Variants in ARHGAP18 observed in about 807,000 individuals in gnomAD.
ARHGAP18 encodes Rho GTPase activating protein 18, also known as rho GTPase-activating protein 18.
Under a neutral mutation model 86.2 loss-of-function variants are expected in ARHGAP18, and 67 were observed. That is an observed-to-expected ratio of 0.78 (90% CI 0.64 to 0.95). ARHGAP18 has a LOEUF of 0.95. Ranked by LOEUF, ARHGAP18 falls within the 40% of genes least tolerant of loss-of-function variation. The probability of loss-of-function intolerance (pLI) is 0.00; values close to 1 mark genes in which losing one functional copy is unlikely to be tolerated. For synonymous variants in ARHGAP18, 283 were observed against 280.4 expected (o/e 1.01, Z -0.09); for missense variants, 691 against 780.4 (o/e 0.89, Z 1.37).
At chr6:129,666,488 A>T (rs141511003) in intron 1 of ARHGAP18, among the ~76,000 whole-genome samples, 1 of 152,290 alleles carries the variant, frequency 6.6e-6, no homozygotes, top group Non-Finnish European at 1.5e-5. Flanking sequence ...GGCCAATGGT[A>T]TACAGTATCC....
chr6:129,677,344 G>A (rs1774254077), intron 1 of ARHGAP18, among the ~76,000 whole-genome samples: 3 of 151,546 alleles, frequency 2.0e-5, no homozygotes, highest in African/African-American at 7.3e-5. Context: ...AGTGAGCCGA[G>A]ATCGCACCAC....
intron 7 of ARHGAP18, among the ~76,000 whole-genome samples, chr6:129,612,293 C>A (rs970619167): frequency 6.6e-6 from 1 of 152,176 alleles, no homozygotes. Context: ...TTCTTGATAA[C>A]GTGATCTTCT....
intron 13 of ARHGAP18, 80 bp downstream of exon 13, chr6:129,583,908 A>G: frequency 6.6e-7 from 1 of 1,504,784 alleles, no homozygotes; most frequent in Non-Finnish European, 8.9e-7. Context: ...AAAAAAAGGA[A>G]GAAGAAGCAG....
intron 5 of ARHGAP18, among the ~76,000 whole-genome samples, chr6:129,625,979 TTTATA>T (rs985632804): frequency 4.6e-5 from 5 of 108,674 alleles, no homozygotes; most frequent in East Asian, 2.3e-4. Context: ...ATTATATATA[TTTATA>T]TTATATATCA....
rs1789092311 is a variant in ARHGAP18 at position 129,616,130 on chromosome 6, C to G, written c.1044+82G>C. 2.7e-6 allele frequency: 3 copies of G among 1,103,820 alleles called. No individual in the cohort carries two copies. In the South Asian group the frequency reaches 5.9e-5, roughly 22 times the overall value. 68.4% of individuals were successfully genotyped at this position (1,103,820 alleles called of 1,614,324 possible). ...ACATGACAGTATATGAATTGGAAAA[C>G]TGTATTATAATAATATGAATACAAA... On this transcript the variant is annotated intron_variant, in intron 7 of 14. Transcript: ENST00000368149.
chr6:129,588,897 C>A (rs1562678444), intron 12 of ARHGAP18, among the ~76,000 whole-genome samples: 1 of 152,230 alleles, frequency 6.6e-6, no homozygotes, highest in Non-Finnish European at 1.5e-5. Flanking sequence ...ACTTGCCAGG[C>A]TTGGGGTTTG....
intron 1 of ARHGAP18, among the ~76,000 whole-genome samples, chr6:129,664,462 G>A (rs1414177959): frequency 6.6e-6 from 1 of 151,166 alleles, no homozygotes; most frequent in African/African-American, 2.4e-5. Flanking sequence ...CCCAAATTGT[G>A]TACAAATAGA....
chr6:129,645,020 T>C (rs1773549657), intron 1 of ARHGAP18, among the ~76,000 whole-genome samples: 1 of 152,228 alleles, frequency 6.6e-6, no homozygotes, highest in Non-Finnish European at 1.5e-5. Flanking sequence ...TGTATTTTTT[T>C]TTGATCACTG....
At chr6:129,658,104 T>C (rs1773877018) in intron 1 of ARHGAP18, among the ~76,000 whole-genome samples, 1 of 152,230 alleles carries the variant, frequency 6.6e-6, no homozygotes, top group African/African-American at 2.4e-5. Context: ...AGGTCTACTG[T>C]TCACCGTGTG....
chr6:129,629,164 G>T (rs1773125264), intron 5 of ARHGAP18, among the ~76,000 whole-genome samples, 189 bp downstream of exon 5: 2 of 151,930 alleles, frequency 1.3e-5, no homozygotes. Flanking sequence ...TGGGAGGATT[G>T]CTGGAGCCCA....
rs939313363 is a variant in ARHGAP18 at position 129,620,473 on chromosome 6, C to A, written c.787-1621G>T. Among the ~76,000 whole-genome samples the A allele has an allele frequency of 6.0e-4, 91 of 152,168 alleles. 2 individuals carry two copies. The highest frequency in any genetic ancestry group is 1.2e-4 in the Non-Finnish European group (8 of 68,038). ...TTTTTCTGCCTTTCTCAAATATCATCTTTTAATATTAAACACATTAAACAT... is the reference window on the plus strand; with the variant it reads ...TTTTTCTGCCTTTCTCAAATATCATATTTTAATATTAAACACATTAAACAT... On this transcript the variant is annotated intron_variant, in intron 5 of 14. Transcript: ENST00000368149.
intron 1 of ARHGAP18, among the ~76,000 whole-genome samples, chr6:129,703,706 A>C (rs935001259): frequency 3.9e-5 from 6 of 152,260 alleles, no homozygotes; most frequent in Non-Finnish European, 5.9e-5. Flanking sequence ...GCAACCTCTA[A>C]TAATTCAAGA....
At chr6:129,657,499 C>A (rs900693930) in intron 1 of ARHGAP18, among the ~76,000 whole-genome samples, 1 of 150,742 alleles carries the variant, frequency 6.6e-6, no homozygotes, top group Non-Finnish European at 1.5e-5. Context: ...CCAATGGAAT[C>A]ATCTAAACTC....
intron 1 of ARHGAP18, among the ~76,000 whole-genome samples, chr6:129,696,336 A>T (rs1194657170): frequency 2.0e-5 from 3 of 152,204 alleles, no homozygotes; most frequent in Non-Finnish European, 4.4e-5. Context: ...ATTTCACAAG[A>T]ACTTCCTATA....
At chr6:129,646,156 A>G (rs1359735703) in intron 1 of ARHGAP18, among the ~76,000 whole-genome samples, 1 of 152,202 alleles carries the variant, frequency 6.6e-6, no homozygotes, top group Non-Finnish European at 1.5e-5. Flanking sequence ...GCAAAATGAA[A>G]TGGAAACATA....
Position 129,641,757 on chromosome 6 carries a change from C to A in ARHGAP18, c.316+59G>T. 2.1e-6 allele frequency: 3 copies of A among 1,410,248 alleles called. No individual in the cohort carries two copies. The South Asian group carries it at 3.9e-5, about 18-fold the overall frequency. 87.4% of individuals were successfully genotyped at this position (1,410,248 alleles called of 1,614,324 possible). A position where few individuals can be genotyped will look rare whatever the true frequency, so the allele number is the denominator to read the frequency against. ...TTTTTTTGTTCTCTTCCTTTCTATG[C>A]ATTCATTTCCTATAAATACATATAC... is the stretch of plus-strand genomic sequence containing the variant. On this transcript the variant is annotated intron_variant, in intron 2 of 14. Transcript: ENST00000368149.
At chr6:129,673,094 C>T (rs1393615087) in intron 1 of ARHGAP18, among the ~76,000 whole-genome samples, 1 of 152,150 alleles carries the variant, frequency 6.6e-6, no homozygotes, top group Admixed American at 6.5e-5. Flanking sequence ...CATTTACAGA[C>T]CTTTCAAAAG....
At chr6:129,589,943 G>T (rs573695612) in intron 12 of ARHGAP18, among the ~76,000 whole-genome samples, 1 of 152,264 alleles carries the variant, frequency 6.6e-6, no homozygotes, top group East Asian at 1.9e-4. Flanking sequence ...TAAGTCCAAG[G>T]GTCCAAACAT....
intron 12 of ARHGAP18, among the ~76,000 whole-genome samples, chr6:129,587,794 C>T (rs369662173): frequency 2.1e-4 from 32 of 152,286 alleles, no homozygotes; most frequent in African/African-American, 7.0e-4. Context: ...GGTGGGGACA[C>T]AGCCAAACCA....
Sources: allele counts gnomAD v4.1 joint callset (sites outside exome capture counted in the v4.1 genomes callset), GRCh38; gene constraint gnomAD v4.1.1; transcripts MANE v1.5; gene names NCBI Gene and HGNC (gene_info 2026-07-23, HGNC 2026-07-21).